Variants in MAST3 observed in about 807,000 individuals in gnomAD.
The protein encoded by MAST3 is microtubule-associated serine/threonine-protein kinase 3.
MAST3 carries 43 observed loss-of-function variants against 127.0 expected under a neutral mutation model. The observed-to-expected ratio is 0.34, with a 90% CI of 0.27 to 0.44. The LOEUF (loss-of-function observed/expected upper bound fraction) is 0.44. Ranked by LOEUF, MAST3 falls within the 20% of genes least tolerant of loss-of-function variation. The pLI, the probability that MAST3 is intolerant of heterozygous loss-of-function variation, is 1.00. For synonymous variants in MAST3, 785 were observed against 809.2 expected (o/e 0.97, Z 0.51); for missense variants, 1,390 against 1,919.1 (o/e 0.72, Z 5.15).
chr19:18,116,441 T>C (rs1279335946), intron 3 of MAST3, among the ~76,000 whole-genome samples: 3 of 151,116 alleles, frequency 2.0e-5, no homozygotes, highest in Non-Finnish European at 3.0e-5. Flanking sequence ...TATAGGGACG[T>C]GCCACCACGC....
At chr19:18,122,292 T>G (rs2040090057) in intron 5 of MAST3, among the ~76,000 whole-genome samples, 1 of 152,122 alleles carries the variant, frequency 6.6e-6, no homozygotes, top group Non-Finnish European at 1.5e-5. Context: ...ACAACAACAT[T>G]CATTAAGCAC....
At chr19:18,137,164 G>T in intron 18 of MAST3, 75 bp from the exon 19 acceptor site, 1 of 1,563,508 alleles carries the variant, frequency 6.4e-7, no homozygotes, top group Non-Finnish European at 8.7e-7. Context: ...TGTCCAGCAT[G>T]GGCAGTGGGG....
Position 18,147,446 on chromosome 19 carries a change from G to A in MAST3, c.3330G>A (p.Arg1110=). The A allele has an allele frequency of 1.2e-6, 2 of 1,613,252 alleles. No individual in the cohort carries two copies. Among genetic ancestry groups the A allele is most frequent in the Non-Finnish European group, 1.7e-6 (2 of 1,179,670 alleles). Residue 1110 remains arginine (R), a synonymous_variant, in exon 27 of 28, where the codon CGG becomes CGA. Coordinates refer to ENST00000687212, the MANE Select transcript of MAST3 (RefSeq NM_001393504.1). ...RCAAVTTRER[R]KSLFKKISKQ... ...GCCTCCGGTTTTCTTACCCCAGGCG[G>A]AAGTCACTTTTCAAGAAGATCTCCA...
chr19:18,131,270 T>C (rs1445225551), intron 14 of MAST3, among the ~76,000 whole-genome samples: 2 of 151,964 alleles, frequency 1.3e-5, no homozygotes, highest in African/African-American at 2.4e-5. Flanking sequence ...TCCCAGCTAC[T>C]CGGGAGGCTG....
At chr19:18,117,906 G>A (rs1304663734) in intron 3 of MAST3, 1 of 156,030 alleles carries the variant, frequency 6.4e-6, no homozygotes, top group Non-Finnish European at 1.4e-5. Context: ...TCGCCGGCAC[G>A]CGGGTCCGCC....
chr19:18,121,565 TG>T, intron 3 of MAST3, 119 bp from the exon 4 acceptor site: 1 of 838,858 alleles, frequency 1.2e-6, no homozygotes, highest in Non-Finnish European at 1.9e-6. Context: ...AGAGTGGGAG[TG>T]GCCATGTCCA....
In MAST3 at chr19:18,145,938, T is replaced by C; in HGVS notation, c.3162+73T>C. 6.7e-7 allele frequency: 1 copy of C among 1,484,764 alleles called. No homozygotes were observed. Among genetic ancestry groups the C allele is most frequent in the Middle Eastern group, 1.8e-4 (1 of 5,578 alleles). 92.0% of individuals were successfully genotyped at this position (1,484,764 alleles called of 1,614,324 possible). On this transcript the variant is annotated intron_variant, in intron 25 of 27. Coordinates refer to ENST00000687212, the MANE Select transcript of MAST3 (RefSeq NM_001393504.1). This position sits in a 1 kb window ranked among gnomAD's most constrained non-coding sequence, Gnocchi z 5.9. ...GCCGCAGCTCCCGGTTCCCCGTGGT[T>C]CTCCGCGTCCAGACACACAACCCCA...
Sources: gnomAD v4.1 joint callset for allele counts (sites outside exome capture counted in the v4.1 genomes callset) on GRCh38, gnomAD v4.1.1 for gene constraint, Gnocchi (gnomAD v3.1) non-coding constraint, MANE v1.5 for transcripts, NCBI Gene and HGNC (gene_info 2026-07-23, HGNC 2026-07-21) for gene names.